SUMF1: variants seen among roughly 807,000 people sequenced by gnomAD.
The protein encoded by SUMF1 is formylglycine-generating enzyme.
In SUMF1, 48 loss-of-function variants were observed where a neutral mutation model predicts 47.6. The observed-to-expected ratio is 1.01, with a 90% CI of 0.80 to 1.28. SUMF1 has a LOEUF of 1.28. Among genes scored for constraint, SUMF1 ranks in the 50% most tolerant of loss-of-function variants. The pLI is 0.00. For missense variants in SUMF1, 571 were observed against 485.4 expected (o/e 1.18, Z -1.66); for synonymous variants, 230 against 192.1 (o/e 1.20, Z -1.63).
chr3:4,417,767 G>A (rs750695877), intron 5 of SUMF1, among the ~76,000 whole-genome samples: 3 of 152,250 alleles, frequency 2.0e-5, no homozygotes, highest in Non-Finnish European at 2.9e-5. Context: ...CAAGGGGGTT[G>A]AATTGCTAAG....
chr3:4,216,688 CA>C (rs1166498337), intron 8 of SUMF1, among the ~76,000 whole-genome samples: 1 of 152,058 alleles, frequency 6.6e-6, no homozygotes, highest in Non-Finnish European at 1.5e-5. Flanking sequence ...ACAACCCCAT[CA>C]AAAAGTGGGC....
intron 8 of SUMF1, among the ~76,000 whole-genome samples, chr3:4,341,360 C>T (rs1699269107): frequency 6.6e-6 from 1 of 152,100 alleles, no homozygotes; most frequent in Non-Finnish European, 1.5e-5. Context: ...AATAATGACC[C>T]TGGTAAACTA....
chr3:4,250,262 G>C (rs1696767228), intron 8 of SUMF1, among the ~76,000 whole-genome samples: 1 of 143,262 alleles, frequency 7.0e-6, no homozygotes, highest in Non-Finnish European at 1.5e-5. Flanking sequence ...AAGGAAAAGG[G>C]AAAGAGGGGG....
At chr3:4,363,527 C>A (rs1699841718) in intron 8 of SUMF1, among the ~76,000 whole-genome samples, 1 of 151,594 alleles carries the variant, frequency 6.6e-6, no homozygotes. Context: ...CTCTGTTTGT[C>A]TGTTATTGGT....
At chr3:4,220,038 G>C (rs1190882625) in intron 8 of SUMF1, among the ~76,000 whole-genome samples, 1 of 152,320 alleles carries the variant, frequency 6.6e-6, no homozygotes, top group East Asian at 1.9e-4. Flanking sequence ...TGAGAAACAG[G>C]ATGGGAGGGA....
At chr3:4,259,882 TA>T (rs1417443835) in intron 8 of SUMF1, among the ~76,000 whole-genome samples, 7 of 128,474 alleles carry the variant, frequency 5.4e-5, no homozygotes, top group Admixed American at 7.6e-5. Context: ...ACCATTTGTT[TA>T]AATTTTTTTT....
chr3:4,160,971 G>A (rs1206697080), intron 8 of SUMF1, among the ~76,000 whole-genome samples: 1 of 152,062 alleles, frequency 6.6e-6, no homozygotes, highest in Non-Finnish European at 1.5e-5. Flanking sequence ...TTCTTGGGAA[G>A]GCTTTCCAGG....
At chr3:4,329,641 G>A (rs1265142800) in intron 8 of SUMF1, among the ~76,000 whole-genome samples, 3 of 152,190 alleles carry the variant, frequency 2.0e-5, no homozygotes, top group Non-Finnish European at 1.5e-5. Context: ...CTGATGGGAG[G>A]GGCTGCCCTG....
chr3:4,061,709 C>A (rs1047191328), intron 9 of SUMF1, among the ~76,000 whole-genome samples: 1 of 152,046 alleles, frequency 6.6e-6, no homozygotes, highest in Non-Finnish European at 1.5e-5. Context: ...AACAGTTGGA[C>A]TGGGTACAGC....
At chr3:4,065,997 T>C (rs1289648835) in intron 9 of SUMF1, among the ~76,000 whole-genome samples, 2 of 151,998 alleles carry the variant, frequency 1.3e-5, no homozygotes, top group African/African-American at 4.8e-5. Context: ...CCCTTCCTGC[T>C]CCATTGTCTA....
intron 8 of SUMF1, chr3:4,312,966 C>T: frequency 6.2e-7 from 1 of 1,613,966 alleles, no homozygotes; most frequent in Non-Finnish European, 8.5e-7. Context: ...TTCCCGGATG[C>T]ATTTGTGTCA....
At chr3:4,249,156 C>A (rs1173978203) in intron 8 of SUMF1, among the ~76,000 whole-genome samples, 2 of 152,162 alleles carry the variant, frequency 1.3e-5, no homozygotes, top group Non-Finnish European at 2.9e-5. Flanking sequence ...GTTCTGTGTT[C>A]TCTAGCAGAG....
chr3:4,404,089 G>T (rs1701299961), intron 7 of SUMF1, among the ~76,000 whole-genome samples: 1 of 152,184 alleles, frequency 6.6e-6, no homozygotes, highest in African/African-American at 2.4e-5. Context: ...AAATGTGTCT[G>T]CAGGATCTAA....
intron 6 of SUMF1, among the ~76,000 whole-genome samples, chr3:4,414,351 G>A (rs1306031721): frequency 6.6e-6 from 1 of 152,160 alleles, no homozygotes; most frequent in African/African-American, 2.4e-5. Flanking sequence ...AATGAGACCT[G>A]AAATAATAAA....
chr3:4,271,252 A>G (rs1282061602), intron 8 of SUMF1, among the ~76,000 whole-genome samples: 2 of 152,180 alleles, frequency 1.3e-5, no homozygotes, highest in Non-Finnish European at 2.9e-5. Context: ...GAAAAGGAGC[A>G]AGGTATAATA....
intron 9 of SUMF1, among the ~76,000 whole-genome samples, chr3:4,038,502 G>A (rs981096749): frequency 3.9e-5 from 6 of 152,112 alleles, no homozygotes; most frequent in Admixed American, 6.5e-5. Context: ...CGGGGGATCC[G>A]CCTCTGATAA....
intron 2 of SUMF1, 56 bp downstream of exon 2, chr3:4,452,820 A>T: frequency 6.2e-7 from 1 of 1,604,772 alleles, no homozygotes; most frequent in Non-Finnish European, 8.5e-7. Flanking sequence ...CTATTAAAGC[A>T]TTCTTAAAAG....
intron 8 of SUMF1, among the ~76,000 whole-genome samples, chr3:4,128,330 T>A (rs566950685): frequency 6.6e-5 from 10 of 152,246 alleles, no homozygotes; most frequent in African/African-American, 2.2e-4. Flanking sequence ...GGAATGGGGA[T>A]GTGTAGGAGG....
intron 8 of SUMF1, among the ~76,000 whole-genome samples, chr3:4,321,846 G>A (rs1197713707): frequency 6.6e-6 from 1 of 152,056 alleles, no homozygotes; most frequent in East Asian, 1.9e-4. Context: ...GGAGGAAAGG[G>A]AGGGGAGCAG....
Sources: gnomAD v4.1 joint callset for allele counts (sites outside exome capture counted in the v4.1 genomes callset) on GRCh38, gnomAD v4.1.1 for gene constraint, MANE v1.5 for transcripts, NCBI Gene and HGNC (gene_info 2026-07-23, HGNC 2026-07-21) for gene names.